Variants in DMD observed in about 807,000 individuals in gnomAD.
DMD encodes mutant dystrophin.
DMD carries 63 observed loss-of-function variants against 330.1 expected under a neutral mutation model. That is an observed-to-expected ratio of 0.19 (90% confidence interval 0.16 to 0.24). The LOEUF is 0.24. Ranked by LOEUF, DMD falls within the 10% of genes least tolerant of loss-of-function variation. The pLI, the probability that DMD is intolerant of heterozygous loss-of-function variation, is 1.00. For missense variants in DMD, 3,344 were observed against 2,684.1 expected, an observed-to-expected ratio of 1.25 and a Z score of -5.43; for synonymous variants, 1,223 against 959.8, an observed-to-expected ratio of 1.27 and a Z score of -5.07.
chrX:31,166,406 G>A (rs1398838156), intron 74 of DMD, among the ~76,000 whole-genome samples: 1 of 111,379 alleles, frequency 9.0e-6, no homozygotes, highest in African/African-American at 3.3e-5. Flanking sequence ...ATAAATCACA[G>A]CTAAAGGAAC....
intron 56 of DMD, among the ~76,000 whole-genome samples, chrX:31,505,502 C>T (rs932626957): frequency 8.9e-6 from 1 of 112,185 alleles, no homozygotes; most frequent in Non-Finnish European, 1.9e-5. Flanking sequence ...AAAATCTACT[C>T]TCTATTTCAT....
At chrX:32,924,163 T>G (rs1712947256) in intron 2 of DMD, among the ~76,000 whole-genome samples, 1 of 111,727 alleles carries the variant, frequency 9.0e-6, no homozygotes, top group Non-Finnish European at 1.9e-5. Flanking sequence ...CTACGGCATC[T>G]GGATTCAAAA....
chrX:33,272,317 G>A (rs1020715090), intron 1 of DMD, among the ~76,000 whole-genome samples: 1 of 112,153 alleles, frequency 8.9e-6, no homozygotes, highest in Non-Finnish European at 1.9e-5. Flanking sequence ...GGACGATGTT[G>A]AGTTGGTTGG....
At chrX:31,378,212 A>T (rs1343790811) in intron 60 of DMD, among the ~76,000 whole-genome samples, 1 of 111,273 alleles carries the variant, frequency 9.0e-6, no homozygotes, top group African/African-American at 3.3e-5. Flanking sequence ...CTCCCTTGGG[A>T]GATCTATCCC....
At chrX:31,884,551 T>C (rs767166276) in intron 47 of DMD, among the ~76,000 whole-genome samples, 2 of 111,693 alleles carry the variant, frequency 1.8e-5, no homozygotes, top group Non-Finnish European at 3.8e-5. Context: ...ACAGGAGGAA[T>C]AAATCCTAGT....
chrX:31,441,462 G>A (rs1390064181), intron 60 of DMD, among the ~76,000 whole-genome samples: 2 of 112,405 alleles, frequency 1.8e-5, no homozygotes, highest in African/African-American at 6.5e-5. Context: ...CTCCCAAAGT[G>A]CTGGGATTAC....
chrX:32,126,683 G>A (rs767137833), intron 44 of DMD, among the ~76,000 whole-genome samples: 2 of 111,853 alleles, frequency 1.8e-5, no homozygotes, highest in South Asian at 3.7e-4. Flanking sequence ...AACACAGAGC[G>A]TTCTCTGCTC....
At chrX:31,860,223 T>C (rs1430314784) in intron 48 of DMD, among the ~76,000 whole-genome samples, 1 of 112,320 alleles carries the variant, frequency 8.9e-6, no homozygotes, top group African/African-American at 3.2e-5. Context: ...AATTCTAATA[T>C]GCAGTAAAAG....
At chrX:31,952,013 C>T (rs919023641) in intron 45 of DMD, among the ~76,000 whole-genome samples, 1 of 110,994 alleles carries the variant, frequency 9.0e-6, no homozygotes, top group African/African-American at 3.3e-5. Context: ...TCTGAGAACT[C>T]TGAATATGTC....
intron 44 of DMD, among the ~76,000 whole-genome samples, chrX:32,164,801 C>T (rs1051153239): frequency 1.1e-4 from 12 of 109,359 alleles, no homozygotes; most frequent in African/African-American, 3.8e-4. Flanking sequence ...AGGTCCCCCC[C>T]CCAACCCCAC....
intron 61 of DMD, among the ~76,000 whole-genome samples, chrX:31,325,446 C>CAAAAAAAAAAAAAAA (rs386416849): frequency 2.0e-5 from 1 of 51,064 alleles, no homozygotes; most frequent in African/African-American, 7.3e-5. Context: ...CTAAAAATAC[C>CAAAAAAAAAAAAAAA]AAAAAAAAAA....
At chrX:32,363,795 A>C (rs759216773) in intron 36 of DMD, among the ~76,000 whole-genome samples, 68 of 112,328 alleles carry the variant, frequency 6.1e-4, no homozygotes, top group Non-Finnish European at 1.1e-3. Context: ...ATAATTTTTG[A>C]GTTTTCTTTA....
At chrX:32,889,820 A>G (rs1447507063) in intron 2 of DMD, among the ~76,000 whole-genome samples, 3 of 110,968 alleles carry the variant, frequency 2.7e-5, no homozygotes, top group African/African-American at 6.6e-5. Context: ...ACCTGCACCC[A>G]GGTGAAATAA....
intron 44 of DMD, among the ~76,000 whole-genome samples, chrX:32,068,850 G>A (rs773176830): frequency 2.2e-4 from 24 of 111,400 alleles, no homozygotes; most frequent in Non-Finnish European, 4.5e-4. Context: ...CCATAATATG[G>A]AAGTGAGGTA....
At position 32,532,444 on chromosome X, in the gene DMD, C is replaced by G. The variant is rs143768871; in HGVS notation, c.2168+12715G>C. On this transcript the variant is annotated intron_variant, in intron 17 of 78. Coordinates refer to ENST00000357033, the MANE Select transcript of DMD (RefSeq NM_004006.3). ...TAGCAAGGCGAGGAATTTCCGAAGGCAACACCCTAAGCTAGGCTGTCTGGG... is the reference window on the plus strand; with the variant it reads ...TAGCAAGGCGAGGAATTTCCGAAGGGAACACCCTAAGCTAGGCTGTCTGGG... Among the ~76,000 whole-genome samples, 473 of 112,271 alleles carry G rather than the reference C, an allele frequency of 4.2e-3. 2 individuals carry two copies. Among genetic ancestry groups the G allele is most frequent in the African/African-American group, 0.015 (452 of 30,916 alleles).
chrX:31,177,048 G>A (rs1354295436), intron 71 of DMD, among the ~76,000 whole-genome samples: 4 of 111,365 alleles, frequency 3.6e-5, no homozygotes, highest in Non-Finnish European at 7.6e-5. Flanking sequence ...ATCCATAACA[G>A]AGCTGTCTGA....
chrX:32,728,634 G>A (rs1250201899), intron 7 of DMD, among the ~76,000 whole-genome samples: 2 of 112,278 alleles, frequency 1.8e-5, no homozygotes, highest in East Asian at 2.8e-4. Flanking sequence ...CTTGGCCTAT[G>A]AGAAAATGTG....
At chrX:31,798,752 A>G (rs1421802752) in intron 50 of DMD, among the ~76,000 whole-genome samples, 2 of 111,276 alleles carry the variant, frequency 1.8e-5, no homozygotes, top group African/African-American at 6.5e-5. Flanking sequence ...ATTTAACATC[A>G]TTTTAGATTA....
intron 12 of DMD, among the ~76,000 whole-genome samples, chrX:32,597,036 G>A (rs367873658): frequency 2.2e-4 from 25 of 111,348 alleles, no homozygotes; most frequent in African/African-American, 3.9e-4. Flanking sequence ...TACCATTCTC[G>A]CCCTCACAGT....
Sources: allele counts gnomAD v4.1 joint callset (sites outside exome capture counted in the v4.1 genomes callset), GRCh38; gene constraint gnomAD v4.1.1; transcripts MANE v1.5; gene names NCBI Gene and HGNC (gene_info 2026-07-23, HGNC 2026-07-21).